NPLOC4: variants seen among roughly 807,000 people sequenced by gnomAD.
NPLOC4 encodes nuclear protein localization protein 4 homolog.
NPLOC4 carries 18 observed loss-of-function variants against 80.6 expected under a neutral mutation model. That is an observed-to-expected ratio of 0.22 (90% CI 0.15 to 0.33). The LOEUF is 0.33. NPLOC4 is among the 10% of genes least tolerant of loss of function. NPLOC4 has a pLI of 1.00. For synonymous variants in NPLOC4, 313 were observed against 301.5 expected, an observed-to-expected ratio of 1.04 and a Z score of -0.39; for missense variants, 540 against 786.1, an observed-to-expected ratio of 0.69 and a Z score of 3.74.
rs370977120 is a variant in NPLOC4 at position 81,610,237 on chromosome 17, C to T, written c.408G>A (p.Gly136=). ...CTAGAGGGACGCAGTGCACGCATTT[C>T]CCCAAAGGGCCGTGGCGGCATCTGA... is the stretch of plus-strand genomic sequence containing the variant. The part of the protein sequence containing the change: ...DPQLCRHGPL[G]KCVHCVPLEP... The change falls in exon 5 of 17, where the codon GGG becomes GGA. Residue 136 remains glycine, a synonymous_variant. Transcript: ENST00000331134. 6.4e-7 allele frequency: 1 copy of T among 1,574,740 alleles called. No homozygotes were observed. Among genetic ancestry groups the T allele is most frequent in the African/African-American group, 1.3e-5 (1 of 74,102 alleles).
chr17:81,600,088 C>G (rs911836922), intron 9 of NPLOC4, among the ~76,000 whole-genome samples: 2 of 151,854 alleles, frequency 1.3e-5, no homozygotes, highest in Admixed American at 6.6e-5. Flanking sequence ...ACAGCCAGAT[C>G]TGCACTGGGA....
chr17:81,616,729 C>CAAAAAA (rs71166160), intron 3 of NPLOC4, among the ~76,000 whole-genome samples: 5 of 142,850 alleles, frequency 3.5e-5, no homozygotes, highest in African/African-American at 1.3e-4. Context: ...GACTCCATCT[C>CAAAAAA]AAAAAAAAAA....
chr17:81,618,420 G>A (rs914326976), intron 3 of NPLOC4, among the ~76,000 whole-genome samples: 2 of 150,386 alleles, frequency 1.3e-5, no homozygotes, highest in African/African-American at 2.5e-5. Context: ...CCTCCGCCCC[G>A]CAGCCGCCCC....
rs2034174017 is a variant in NPLOC4 at position 81,572,038 on chromosome 17, A to C, written c.1332T>G (p.Pro444=). 4 of 1,605,036 alleles carry C rather than the reference A, an allele frequency of 2.5e-6. No individual in the cohort carries two copies. The East Asian group carries it at 8.9e-5, about 36-fold the overall frequency. Residue 444 remains proline (P), a synonymous_variant, in exon 13 of 17, where the codon CCT becomes CCG. Coordinates refer to ENST00000331134, the MANE Select transcript of NPLOC4 (RefSeq NM_017921.4). The surrounding 1 kb of genome is among the most constrained non-coding windows in gnomAD (Gnocchi z 4.5). The stretch of plus-strand genomic sequence containing the variant: ...TTACGTCTATGATGAGATACTCCAC[A>C]GGCAGGGGCCGGGCCAGCTGGGTGA... ...NEITQLARPL[P]VEYLIIDITT... is the part of the protein sequence containing the mutation.
intron 8 of NPLOC4, among the ~76,000 whole-genome samples, chr17:81,600,792 G>A (rs1422569200): frequency 6.6e-6 from 1 of 152,168 alleles, no homozygotes; most frequent in Middle Eastern, 3.2e-3. Flanking sequence ...TGGATAAGTA[G>A]CTTCACTCCA....
intron 12 of NPLOC4, among the ~76,000 whole-genome samples, chr17:81,587,258 G>A (rs568452803): frequency 1.4e-4 from 21 of 152,304 alleles, no homozygotes; most frequent in African/African-American, 2.9e-4. Flanking sequence ...AGGACTGCTC[G>A]AGGCCAGGAG....
At position 81,571,273 on chromosome 17, in the gene NPLOC4, C is replaced by T. The variant is rs183257865; in HGVS notation, c.1353+744G>A. 1.3e-4 allele frequency among the ~76,000 whole-genome samples: 20 copies of T among 152,346 alleles called. No individual in the cohort carries two copies. The East Asian group carries it at 3.7e-3, about 28-fold the overall frequency. The stretch of plus-strand genomic sequence containing the variant: ...CAGCAGCATAGGAAATGAGCCGCCT[C>T]CCGTCCGCTTTGGACAGAGCTCCGG... On this transcript the variant is annotated intron_variant, in intron 13 of 16. Coordinates refer to ENST00000331134, the MANE Select transcript of NPLOC4 (RefSeq NM_017921.4).
At chr17:81,627,348 C>T (rs1247360795) in intron 2 of NPLOC4, among the ~76,000 whole-genome samples, 11 of 149,688 alleles carry the variant, frequency 7.3e-5, no homozygotes, top group Non-Finnish European at 1.6e-4. Flanking sequence ...GCCGAGATCG[C>T]GCCACTGCAT....
chr17:81,561,598 A>AT (rs2033851993), intron 16 of NPLOC4, among the ~76,000 whole-genome samples: 1 of 151,992 alleles, frequency 6.6e-6, no homozygotes, highest in Non-Finnish European at 1.5e-5. Context: ...TACAGTTTTT[A>AT]TTTTTTTAAG....
chr17:81,569,511 G>A (rs1243333154), intron 13 of NPLOC4, among the ~76,000 whole-genome samples: 2 of 152,228 alleles, frequency 1.3e-5, no homozygotes, highest in South Asian at 2.1e-4. Context: ...CCAGGAGGCC[G>A]CCCCAGGAGC....
chr17:81,565,376 C>G, intron 16 of NPLOC4, 129 bp downstream of exon 16: 1 of 828,932 alleles, frequency 1.2e-6, no homozygotes, highest in Non-Finnish European at 2.0e-6. Context: ...CGTTGCATTG[C>G]CGATGGCACC....
At chr17:81,568,941 C>A (rs2144045354) in intron 14 of NPLOC4, 75 bp downstream of exon 14, 1 of 994,954 alleles carries the variant, frequency 1.0e-6, no homozygotes, top group East Asian at 2.4e-5. Flanking sequence ...TTGATGTTTT[C>A]TGGAAAAACA....
At chr17:81,591,081 G>A (rs1461947601) in intron 11 of NPLOC4, among the ~76,000 whole-genome samples, 1 of 152,160 alleles carries the variant, frequency 6.6e-6, no homozygotes, top group Non-Finnish European at 1.5e-5. Context: ...GGGAGCAGAG[G>A]CAAAGGCTGG....
chr17:81,631,101 A>G (rs909008065), intron 1 of NPLOC4, among the ~76,000 whole-genome samples: 4 of 152,082 alleles, frequency 2.6e-5, no homozygotes, highest in Non-Finnish European at 5.9e-5. Flanking sequence ...TGAACCCAGG[A>G]GGCAGAGGTT....
In NPLOC4 at chr17:81,589,566, G is replaced by C. The variant is rs577582707; in HGVS notation, c.1121-462C>G. 3.3e-5 allele frequency among the ~76,000 whole-genome samples: 5 copies of C among 151,694 alleles called. No homozygotes were observed. In the South Asian group the frequency reaches 1.0e-3, roughly 32 times the overall value. On this transcript the variant is annotated intron_variant, in intron 11 of 16. Coordinates refer to ENST00000331134, the MANE Select transcript of NPLOC4 (RefSeq NM_017921.4). ...AAAAAAAATTCAGTAGTCAACGGAT[G>C]GGTGGCCACAGCACAAGACCTAGCA...
intron 3 of NPLOC4, among the ~76,000 whole-genome samples, chr17:81,619,122 G>C (rs1463499879): frequency 6.6e-6 from 1 of 151,850 alleles, no homozygotes; most frequent in South Asian, 2.1e-4. Flanking sequence ...TCACTTGTTT[G>C]GCTGCTGACC....
At chr17:81,605,206 G>A (rs547128491) in intron 7 of NPLOC4, among the ~76,000 whole-genome samples, 6 of 151,566 alleles carry the variant, frequency 4.0e-5, no homozygotes, top group Non-Finnish European at 8.8e-5. Flanking sequence ...GCGTGAACCC[G>A]GGAGGTGGAG....
intron 7 of NPLOC4, among the ~76,000 whole-genome samples, chr17:81,604,951 C>T (rs2035160399): frequency 6.6e-6 from 1 of 151,332 alleles, no homozygotes; most frequent in Admixed American, 6.6e-5. Context: ...AGAGTGAGAC[C>T]CCTTGTATCT....
At chr17:81,596,841 A>G (rs1343303011) in intron 10 of NPLOC4, among the ~76,000 whole-genome samples, 1 of 152,102 alleles carries the variant, frequency 6.6e-6, no homozygotes, top group Non-Finnish European at 1.5e-5. Flanking sequence ...AGGGCTGGGC[A>G]TGGTGGCTCA....
Sources: gnomAD v4.1 joint callset for allele counts (sites outside exome capture counted in the v4.1 genomes callset) on GRCh38, gnomAD v4.1.1 for gene constraint, Gnocchi (gnomAD v3.1) non-coding constraint, MANE v1.5 for transcripts, NCBI Gene and HGNC (gene_info 2026-07-23, HGNC 2026-07-21) for gene names.